Variants in NFIB observed in about 807,000 individuals in gnomAD.
NFIB encodes the protein nuclear factor I B, also known as nuclear factor 1 B-type.
In NFIB, 11 loss-of-function variants were observed where a neutral mutation model predicts 61.5. That is an observed-to-expected ratio of 0.18 (90% CI 0.11 to 0.30). The LOEUF is 0.30. NFIB is among the 10% of genes least tolerant of loss of function. The pLI, the probability that NFIB is intolerant of heterozygous loss-of-function variation, is 1.00. For synonymous variants in NFIB, 260 were observed against 216.5 expected, an observed-to-expected ratio of 1.20 and a Z score of -1.76; for missense variants, 471 against 608.9, an observed-to-expected ratio of 0.77 and a Z score of 2.38.
chr9:14,184,108 G>A (rs903296417), intron 2 of NFIB, among the ~76,000 whole-genome samples: 1 of 152,106 alleles, frequency 6.6e-6, no homozygotes, highest in African/African-American at 2.4e-5. Flanking sequence ...CTTACCTAAG[G>A]AGTGAGCAGT....
intron 2 of NFIB, among the ~76,000 whole-genome samples, chr9:14,227,451 A>G (rs1563922184): frequency 6.6e-6 from 1 of 152,210 alleles, no homozygotes; most frequent in Non-Finnish European, 1.5e-5. Context: ...GAATTGGAAA[A>G]CATTGTTCTT....
At chr9:14,521,791 G>C in the NFIB span, among the ~76,000 whole-genome samples, 1 of 152,184 alleles carries the variant, frequency 6.6e-6, no homozygotes, top group Admixed American at 6.5e-5. Flanking sequence ...TGTTTGCCCA[G>C]AGATTGAGGT....
At chr9:14,241,376 T>C (rs2054328787) in intron 2 of NFIB, among the ~76,000 whole-genome samples, 1 of 152,156 alleles carries the variant, frequency 6.6e-6, no homozygotes, top group East Asian at 1.9e-4. Context: ...AATACATAAG[T>C]ATAAATGTGG....
chr9:14,396,378 C>T (rs1588420971), intron 1 of NFIB, among the ~76,000 whole-genome samples: 4 of 152,128 alleles, frequency 2.6e-5, no homozygotes, highest in Admixed American at 2.6e-4. Context: ...GACTGTGGCG[C>T]CTCTGTGCCA....
At chr9:14,344,237 G>A (rs1275269735) in intron 1 of NFIB, among the ~76,000 whole-genome samples, 1 of 152,002 alleles carries the variant, frequency 6.6e-6, no homozygotes, top group African/African-American at 2.4e-5. Flanking sequence ...CACACACAGA[G>A]AGAGTCACAC....
the NFIB span, among the ~76,000 whole-genome samples, chr9:14,521,594 C>T: frequency 2.9e-4 from 44 of 150,316 alleles, no homozygotes; most frequent in Non-Finnish European, 5.8e-4. Context: ...CCTGGTACAT[C>T]GGAGTTCTTT....
At chr9:14,173,588 C>T (rs1361257984) in intron 3 of NFIB, among the ~76,000 whole-genome samples, 1 of 152,112 alleles carries the variant, frequency 6.6e-6, no homozygotes, top group Non-Finnish European at 1.5e-5. Context: ...TAAATATCTG[C>T]TGGCTGAAAA....
intron 2 of NFIB, among the ~76,000 whole-genome samples, chr9:14,295,452 C>T (rs1012297644): frequency 6.6e-6 from 1 of 151,884 alleles, no homozygotes; most frequent in African/African-American, 2.4e-5. Flanking sequence ...CTGTGAAACC[C>T]CGTCTCTACT....
intron 1 of NFIB, among the ~76,000 whole-genome samples, chr9:14,328,204 G>T (rs1340978525): frequency 2.6e-5 from 4 of 152,148 alleles, no homozygotes; most frequent in African/African-American, 9.7e-5. Flanking sequence ...GAGTGCAGTG[G>T]TGCTATCAGG....
the NFIB span, among the ~76,000 whole-genome samples, chr9:14,518,282 T>C: frequency 6.6e-6 from 1 of 152,174 alleles, no homozygotes; most frequent in South Asian, 2.1e-4. Flanking sequence ...CAATAGAGGC[T>C]AAGTGTTTAT....
the NFIB span, among the ~76,000 whole-genome samples, chr9:14,506,122 T>A: frequency 6.6e-6 from 1 of 152,244 alleles, no homozygotes; most frequent in Non-Finnish European, 1.5e-5. Context: ...TGGTATTTAT[T>A]AATAAAATGT....
intron 1 of NFIB, among the ~76,000 whole-genome samples, chr9:14,391,251 T>C (rs1393522666): frequency 6.6e-6 from 1 of 152,146 alleles, no homozygotes; most frequent in East Asian, 1.9e-4. Flanking sequence ...GCAGGAATCC[T>C]TTATATGATG....
At chr9:14,359,014 G>A (rs1485547561) in intron 1 of NFIB, among the ~76,000 whole-genome samples, 1 of 152,188 alleles carries the variant, frequency 6.6e-6, no homozygotes. Context: ...ATAATGGCGT[G>A]CTGCTATACA....
intron 1 of NFIB, among the ~76,000 whole-genome samples, chr9:14,310,101 C>T (rs1382331585): frequency 6.6e-6 from 1 of 152,142 alleles, no homozygotes; most frequent in African/African-American, 2.4e-5. Flanking sequence ...TATAATCTAT[C>T]ACACAAGAAA....
In NFIB at chr9:14,284,584, C is replaced by CA. The variant is rs1192888669; in HGVS notation, c.562+22404dup. 4.6e-5 allele frequency among the ~76,000 whole-genome samples: 7 copies of CA among 152,048 alleles called. No individual in the cohort carries two copies. In the East Asian group the frequency reaches 1.2e-3, roughly 25 times the overall value. On this transcript the variant is annotated intron_variant, in intron 2 of 10. Coordinates refer to ENST00000380953, the MANE Select transcript of NFIB (RefSeq NM_001190737.2). ...TGGACTCTGTTTAGAAAGATGCAAC[C>CA]AAAAAACTTATGGAAACTAAAATAT...
At position 14,346,781 on chromosome 9, in the gene NFIB, G is replaced by T. The variant is rs1214294140; in HGVS notation, c.109-39261C>A. On this transcript the variant is annotated intron_variant, in intron 1 of 8. Coordinates refer to the NFIB transcript ENST00000380934. ...TGCGCAAGGAGTTATAGAACCTTGAGGGGGGGATCTTTTCTATCTCTAATT... is the reference window on the plus strand; with the variant it reads ...TGCGCAAGGAGTTATAGAACCTTGATGGGGGGATCTTTTCTATCTCTAATT... 3.3e-5 allele frequency among the ~76,000 whole-genome samples: 5 copies of T among 152,262 alleles called. No homozygotes were observed. The East Asian group carries it at 7.7e-4, about 24-fold the overall frequency.
intron 1 of NFIB, among the ~76,000 whole-genome samples, chr9:14,334,368 C>T (rs1158232641): frequency 6.6e-6 from 1 of 152,186 alleles, no homozygotes; most frequent in Non-Finnish European, 1.5e-5. Flanking sequence ...ACATCTTCAT[C>T]AAGACTATAT....
chr9:14,127,817 T>G (rs1042466850), intron 6 of NFIB, among the ~76,000 whole-genome samples: 4 of 151,846 alleles, frequency 2.6e-5, no homozygotes, highest in Non-Finnish European at 5.9e-5. Context: ...GACATCACAG[T>G]CTACAAAAAA....
chr9:14,307,288 T>G lies in NFIB; in HGVS notation c.263A>C (p.Tyr88Ser). 2 of 1,614,094 alleles carry G rather than the reference T, an allele frequency of 1.2e-6. No individual in the cohort carries two copies. Among genetic ancestry groups the G allele is most frequent in the East Asian group, 4.5e-5 (2 of 44,830 alleles). Reference protein sequence around the residue: ...AKLRKDIRQEYREDFVLTVTG... With the variant: ...AKLRKDIRQESREDFVLTVTG... The stretch of plus-strand genomic sequence containing the variant: ...CACGGTGAGCACAAAGTCCTCTCGA[T>G]ACTCCTGGCGAATATCTTTGCGCAG... The change falls in exon 2 of 11, where the codon TAT becomes TCT. Residue 88 changes from tyrosine to serine, a missense_variant. Physicochemically the swap from Tyr to Ser is moderately radical, Grantham distance 144. Around this residue, in one of 2 missense-constraint regions of NFIB, gnomAD observed 99 missense variants for 213.3 expected, o/e 0.46. Transcript: ENST00000380953. This position sits in a 1 kb window ranked among gnomAD's most constrained non-coding sequence, Gnocchi z 5.3.
Sources: allele counts gnomAD v4.1 joint callset (sites outside exome capture counted in the v4.1 genomes callset), GRCh38; gene constraint gnomAD v4.1.1; regional missense constraint gnomAD v4.1.1; non-coding constraint Gnocchi (gnomAD v3.1); transcripts MANE v1.5; gene names NCBI Gene and HGNC (gene_info 2026-07-23, HGNC 2026-07-21).